The following CACNA2D1 variants were observed in gnomAD, a reference collection of about 807,000 sequenced individuals.
The protein encoded by CACNA2D1 is voltage-dependent calcium channel subunit alpha-2/delta-1.
A neutral mutation model predicts 171.5 loss-of-function variants in CACNA2D1; 53 were observed. The observed-to-expected ratio is 0.31, with a 90% confidence interval of 0.25 to 0.39. CACNA2D1 has a LOEUF of 0.39. Ranked by LOEUF, CACNA2D1 falls within the 10% of genes least tolerant of loss-of-function variation. CACNA2D1 has a pLI of 1.00. For synonymous variants in CACNA2D1, 442 were observed against 443.1 expected (o/e 1.00, Z 0.03); for missense variants, 903 against 1,299.8 (o/e 0.69, Z 4.69).
chr7:82,391,514 T>TG (rs1448846380), intron 1 of CACNA2D1, among the ~76,000 whole-genome samples: 1 of 152,234 alleles, frequency 6.6e-6, no homozygotes, highest in Non-Finnish European at 1.5e-5. Flanking sequence ...ACTGATGTTG[T>TG]GGCACACTTA....
At chr7:82,047,703 C>CA (rs1370601541) in intron 10 of CACNA2D1, among the ~76,000 whole-genome samples, 1 of 151,612 alleles carries the variant, frequency 6.6e-6, no homozygotes, top group Non-Finnish European at 1.5e-5. Context: ...AACATTAGTA[C>CA]AAAAAAGACT....
At chr7:82,071,498 T>C (rs1808314457) in intron 7 of CACNA2D1, among the ~76,000 whole-genome samples, 1 of 152,082 alleles carries the variant, frequency 6.6e-6, no homozygotes, top group Non-Finnish European at 1.5e-5. Flanking sequence ...ACTGGCATAA[T>C]TCTGTATTAT....
Position 81,962,533 on chromosome 7 carries a change from G to A in CACNA2D1, c.2781-38C>T, listed in dbSNP as rs1794265523. 11 of 1,346,488 alleles carry A rather than the reference G, an allele frequency of 8.2e-6. No individual in the cohort carries two copies. The South Asian group carries it at 1.1e-4, about 14-fold the overall frequency. The allele number at this position is 1,346,488 out of a possible 1,614,324, so 83.4% of individuals were successfully genotyped here. ...AATAAAAAAAAAATAAACATCTAGG[G>A]AAAAAATGTGTTTTTACATGTACCC... On this transcript the variant is annotated intron_variant, in intron 34 of 38. Coordinates refer to ENST00000356860, the MANE Select transcript of CACNA2D1 (RefSeq NM_000722.4).
chr7:82,015,109 C>G (rs1463448969), intron 12 of CACNA2D1, among the ~76,000 whole-genome samples: 1 of 152,098 alleles, frequency 6.6e-6, no homozygotes. Context: ...TGAGGTCCAA[C>G]CTCACTTCAC....
At chr7:82,133,062 A>G (rs552258420) in intron 5 of CACNA2D1, among the ~76,000 whole-genome samples, 179 of 152,326 alleles carry the variant, frequency 1.2e-3, no homozygotes, top group African/African-American at 4.1e-3. Flanking sequence ...TTTATAAAGC[A>G]TTCTACAAGT....
At position 81,947,359 on chromosome 7, in the gene CACNA2D1, C is replaced by T. The variant is rs1792124272; in HGVS notation, c.*3033G>A. 1 of 150,830 alleles carries T rather than the reference C, an allele frequency of 6.6e-6. No individual in the cohort carries two copies. The allele number at this position is 150,830 out of a possible 1,614,324, so 9.3% of individuals were successfully genotyped here. A position where few individuals can be genotyped will look rare whatever the true frequency, so the allele number is the denominator to read the frequency against. ...TTTTTTCCCAAGTTAAGCAGTAACA[C>T]CTCAAGCATTAGAAACATGAAAAAA... On this transcript the variant is annotated 3_prime_UTR_variant, in exon 39 of 39. Coordinates refer to ENST00000356860, the MANE Select transcript of CACNA2D1 (RefSeq NM_000722.4).
At chr7:82,130,939 G>T (rs1401559760) in intron 5 of CACNA2D1, among the ~76,000 whole-genome samples, 1 of 151,636 alleles carries the variant, frequency 6.6e-6, no homozygotes, top group Admixed American at 6.6e-5. Flanking sequence ...TGAGACTACA[G>T]GCGCCCGCCA....
chr7:82,311,432 T>C (rs762019402), intron 3 of CACNA2D1, among the ~76,000 whole-genome samples: 5 of 152,014 alleles, frequency 3.3e-5, no homozygotes, highest in Non-Finnish European at 7.4e-5. Flanking sequence ...AAGAATTACA[T>C]TTAGCTGAAC....
intron 23 of CACNA2D1, among the ~76,000 whole-genome samples, chr7:81,983,009 T>C (rs1198786831): frequency 1.3e-5 from 2 of 152,170 alleles, no homozygotes; most frequent in Non-Finnish European, 2.9e-5. Flanking sequence ...AAAATGATGT[T>C]AAAAAACTCA....
chr7:82,248,980 G>A lies in CACNA2D1; in HGVS notation c.295-78371C>T, dbSNP rs189091760. The stretch of plus-strand genomic sequence containing the variant: ...AAAATACAAAAAATTAGCTGGGCGT[G>A]GTGGCAGGCATCTGTAGTCCCAGCT... On this transcript the variant is annotated intron_variant, in intron 3 of 38. Transcript: ENST00000356860. 1.5e-3 allele frequency among the ~76,000 whole-genome samples: 234 copies of A among 152,158 alleles called. 2 individuals are homozygous for A. The highest frequency in any genetic ancestry group is 0.012 in the South Asian group (56 of 4,822).
rs1816452618 is a variant in CACNA2D1 at position 82,324,898 on chromosome 7, C to T, written c.294+10237G>A. ...CAGTAAAATAGACACTCACCAAATG[C>T]CAAGGTGCGTGGACAAATGTTATAA... On this transcript the variant is annotated intron_variant, in intron 3 of 38. Transcript: ENST00000356860. Among the ~76,000 whole-genome samples, 2 of 152,102 alleles carry T rather than the reference C, an allele frequency of 1.3e-5. 1 individual carries two copies. Among genetic ancestry groups the T allele is most frequent in the South Asian group, 4.1e-4 (2 of 4,830 alleles).
At position 82,099,557 on chromosome 7, in the gene CACNA2D1, C is replaced by G. The variant is rs1812410665; in HGVS notation, c.527-14657G>C. Among the ~76,000 whole-genome samples the G allele has an allele frequency of 1.9e-5, 2 of 102,632 alleles. 1 individual carries two copies. Among genetic ancestry groups the G allele is most frequent in the Non-Finnish European group, 4.2e-5 (2 of 47,174 alleles). 67.3% of individuals were successfully genotyped at this position (102,632 alleles called of 152,430 possible). On this transcript the variant is annotated intron_variant, in intron 6 of 38. Coordinates refer to ENST00000356860, the MANE Select transcript of CACNA2D1 (RefSeq NM_000722.4). ...CTCCGCCTCCCGGGTTCACGCCATT[C>G]TCCTGCCTCAGCCTCCCAAGTAGCT...
At chr7:82,249,203 G>A (rs531440771) in intron 3 of CACNA2D1, among the ~76,000 whole-genome samples, 30 of 152,180 alleles carry the variant, frequency 2.0e-4, no homozygotes, top group African/African-American at 7.2e-4. Flanking sequence ...ACCATACTCA[G>A]TAGATGTAAC....
At chr7:82,306,579 G>A (rs1030105608) in intron 3 of CACNA2D1, among the ~76,000 whole-genome samples, 1 of 152,134 alleles carries the variant, frequency 6.6e-6, no homozygotes, top group East Asian at 1.9e-4. Flanking sequence ...TGAGAGACTG[G>A]AGACATCGTA....
intron 26 of CACNA2D1, chr7:81,971,020 T>G: frequency 2.5e-6 from 1 of 395,498 alleles, no homozygotes; most frequent in Non-Finnish European, 4.7e-6. Flanking sequence ...TAGAGAGGAA[T>G]GTATACATAA....
At chr7:82,331,727 C>A (rs1817321635) in intron 3 of CACNA2D1, among the ~76,000 whole-genome samples, 2 of 152,248 alleles carry the variant, frequency 1.3e-5, no homozygotes, top group South Asian at 4.1e-4. Flanking sequence ...CAATAGAATT[C>A]TATTTTAATC....
At chr7:82,116,709 G>A (rs1789084397) in intron 6 of CACNA2D1, among the ~76,000 whole-genome samples, 1 of 152,180 alleles carries the variant, frequency 6.6e-6, no homozygotes, top group Non-Finnish European at 1.5e-5. Flanking sequence ...GTATAATACA[G>A]CTGCACAGTT....
At position 82,190,205 on chromosome 7, in the gene CACNA2D1, C is replaced by T. The variant is rs554416939; in HGVS notation, c.295-19596G>A. ...AAAATGATATTGTTATTCACCTCCA[C>T]AGAAAGAATCATCTCAACAGCAAGA... On this transcript the variant is annotated intron_variant, in intron 3 of 38. Transcript: ENST00000356860. Among the ~76,000 whole-genome samples, 10 of 151,906 alleles carry T rather than the reference C, an allele frequency of 6.6e-5. No individual in the cohort carries two copies. The East Asian group carries it at 1.4e-3, about 21-fold the overall frequency.
At chr7:82,012,386 T>C in intron 14 of CACNA2D1, 143 bp from the exon 15 acceptor site, 1 of 645,922 alleles carries the variant, frequency 1.5e-6, no homozygotes, top group Non-Finnish European at 2.7e-6. Context: ...TCAGTTAATT[T>C]CTATTTTGGG....
Sources: allele counts gnomAD v4.1 joint callset (sites outside exome capture counted in the v4.1 genomes callset), GRCh38; gene constraint gnomAD v4.1.1; transcripts MANE v1.5; gene names NCBI Gene and HGNC (gene_info 2026-07-23, HGNC 2026-07-21).